The following TBX4 variants were observed in gnomAD, a reference collection of about 807,000 sequenced individuals.
TBX4 encodes the protein T-box transcription factor 4, also known as T-box transcription factor TBX4.
In TBX4, 13 loss-of-function variants were observed where a neutral mutation model predicts 54.6. The observed-to-expected ratio is 0.24, with a 90% confidence interval of 0.15 to 0.38. TBX4 has a LOEUF of 0.38. TBX4 is among the 10% of genes least tolerant of loss of function. TBX4 has a pLI of 1.00. For missense variants in TBX4, 631 were observed against 728.5 expected, an observed-to-expected ratio of 0.87 and a Z score of 1.54; for synonymous variants, 314 against 306.7, an observed-to-expected ratio of 1.02 and a Z score of -0.25.
intron 5 of TBX4, among the ~76,000 whole-genome samples, chr17:61,469,848 C>G (rs1212592443): frequency 6.6e-6 from 1 of 152,186 alleles, no homozygotes; most frequent in Non-Finnish European, 1.5e-5. Flanking sequence ...GAAGGAGTCA[C>G]CCTTCTTGGC....
Position 61,482,937 on chromosome 17 carries a change from C to G in TBX4, c.1062C>G (p.Ser354=). The G allele has an allele frequency of 6.2e-7, 1 of 1,613,912 alleles. No individual in the cohort carries two copies. The change falls in exon 9 of 9, where the codon TCC becomes TCG. Residue 354 remains serine (S), a synonymous_variant. Transcript: ENST00000644296. ...TRHLDLPCKR[S]YLEAPSSVGE... ...ACCTGGACTTACCTTGCAAGCGATCCTATCTGGAAGCCCCCTCTTCGGTGG... is the reference window on the plus strand; with the variant it reads ...ACCTGGACTTACCTTGCAAGCGATCGTATCTGGAAGCCCCCTCTTCGGTGG...
At chr17:61,453,062 TATAA>T in intron 1 of TBX4, 1 of 877,760 alleles carries the variant, frequency 1.1e-6, no homozygotes, top group Non-Finnish European at 1.4e-6. Flanking sequence ...GAACATTATA[TATAA>T]ATAATGATCG....
intron 2 of TBX4, 140 bp downstream of exon 2, chr17:61,456,816 T>C (rs1436357483): frequency 6.6e-6 from 4 of 602,404 alleles, no homozygotes; most frequent in Non-Finnish European, 9.6e-6. Context: ...TGCCCGTTCG[T>C]TCTCCACTGG....
chr17:61,483,845 G>A lies in TBX4; in HGVS notation c.*329G>A. The A allele has an allele frequency of 2.9e-6, 1 of 348,830 alleles. No individual in the cohort carries two copies. Among genetic ancestry groups the A allele is most frequent in the Middle Eastern group, 9.5e-4 (1 of 1,048 alleles). The allele number at this position is 348,830 out of a possible 1,614,324, so 21.6% of individuals were successfully genotyped here. Reference sequence around the variant, plus strand: ...GGAGGGTTCATATGAGTTATTGAGAGGGTTTTATAATGGTTGATTTACTCA... The same window carrying A: ...GGAGGGTTCATATGAGTTATTGAGAAGGTTTTATAATGGTTGATTTACTCA... On this transcript the variant is annotated 3_prime_UTR_variant, in exon 9 of 9. Transcript: ENST00000644296. The surrounding 1 kb of genome is among the most constrained non-coding windows in gnomAD (Gnocchi z 6.6).
intron 5 of TBX4, among the ~76,000 whole-genome samples, chr17:61,470,098 C>T (rs949430719): frequency 6.6e-6 from 1 of 152,120 alleles, no homozygotes; most frequent in Non-Finnish European, 1.5e-5. Context: ...GCTCTCTCCT[C>T]GCGAAAGGGC....
intron 3 of TBX4, among the ~76,000 whole-genome samples, chr17:61,463,978 TA>T (rs1386153477): frequency 1.3e-5 from 2 of 152,206 alleles, no homozygotes; most frequent in Admixed American, 6.5e-5. Context: ...CCAGGCCCCA[TA>T]GGGGGGCTGG....
rs534656437 is a variant in TBX4 at position 61,475,563 on chromosome 17, G to T, written c.550-3064G>T. ...AGGGGTGTGCAAAAGGAATGGAGGG[G>T]CTTTTGTTTTATAGATAGAGTCACA... On this transcript the variant is annotated intron_variant, in intron 5 of 8. Coordinates refer to ENST00000644296, the MANE Select transcript of TBX4 (RefSeq NM_001321120.2). The surrounding 1 kb of genome is among the most constrained non-coding windows in gnomAD (Gnocchi z 5.0). Among the ~76,000 whole-genome samples, 1 of 152,280 alleles carries T rather than the reference G, an allele frequency of 6.6e-6. No individual in the cohort carries two copies. Among genetic ancestry groups the T allele is most frequent in the South Asian group, 2.1e-4 (1 of 4,822 alleles).
At position 61,457,217 on chromosome 17, in the gene TBX4, G is replaced by C. The variant is rs1175162983; in HGVS notation, c.187-320G>C. Among the ~76,000 whole-genome samples the C allele has an allele frequency of 6.6e-6, 1 of 152,176 alleles. No homozygotes were observed. Among genetic ancestry groups the C allele is most frequent in the Non-Finnish European group, 1.5e-5 (1 of 68,018 alleles). On this transcript the variant is annotated intron_variant, in intron 2 of 8. Coordinates refer to ENST00000644296, the MANE Select transcript of TBX4 (RefSeq NM_001321120.2). The surrounding 1 kb of genome is among the most constrained non-coding windows in gnomAD (Gnocchi z 8.2). ...CGTGCGCCTCTCCCTGTCTGTGTCT[G>C]CCCCGGGAGCCTGTGGCGATGGCCC...
intron 5 of TBX4, among the ~76,000 whole-genome samples, chr17:61,471,275 T>C (rs1479192523): frequency 6.6e-6 from 1 of 152,246 alleles, no homozygotes; most frequent in African/African-American, 2.4e-5. Flanking sequence ...AAATGCACCT[T>C]CTTCAGAGAG....
At position 61,472,679 on chromosome 17, in the gene TBX4, C is replaced by G. The variant is rs1053986918; in HGVS notation, c.549+5022C>G. Reference sequence around the variant, plus strand: ...TGAGTTATTGAAAGCCCTAACCCCCCTCCTTACTTATAAGGGACTTTTCTT... The same window carrying G: ...TGAGTTATTGAAAGCCCTAACCCCCGTCCTTACTTATAAGGGACTTTTCTT... On this transcript the variant is annotated intron_variant, in intron 5 of 8. Coordinates refer to ENST00000644296, the MANE Select transcript of TBX4 (RefSeq NM_001321120.2). The surrounding 1 kb of genome is among the most constrained non-coding windows in gnomAD (Gnocchi z 4.5). Among the ~76,000 whole-genome samples the G allele has an allele frequency of 1.2e-4, 18 of 152,316 alleles. No individual in the cohort carries two copies. The highest frequency in any genetic ancestry group is 4.1e-4 in the African/African-American group (17 of 41,564).
rs548614308 is a variant in TBX4, at chr17:61,480,402, C to A, written c.1021+83C>A. 1.3e-4 allele frequency: 144 copies of A among 1,118,288 alleles called. No homozygotes were observed. In the South Asian group the frequency reaches 1.5e-3, roughly 12 times the overall value. 69.3% of individuals were successfully genotyped at this position (1,118,288 alleles called of 1,614,324 possible). ...CGAAACCACTCTGCAGCGCCCCCCC[C>A]CCCAACACACACACACTCATCTCGT... On this transcript the variant is annotated intron_variant, in intron 8 of 8. Coordinates refer to ENST00000644296, the MANE Select transcript of TBX4 (RefSeq NM_001321120.2). The surrounding 1 kb of genome is among the most constrained non-coding windows in gnomAD (Gnocchi z 6.2).
chr17:61,479,186 G>C lies in TBX4; in HGVS notation c.702+407G>C, dbSNP rs143431192. Among the ~76,000 whole-genome samples, 96 of 152,278 alleles carry C rather than the reference G, an allele frequency of 6.3e-4. No homozygotes were observed. The highest frequency in any genetic ancestry group is 3.4e-3 in the Middle Eastern group (1 of 292). ...GAGCCCTGGGGTGCTGTCAGCTGGG[G>C]TGTGGAAGCAGAGCCTGAGCGGAGG... On this transcript the variant is annotated intron_variant, in intron 6 of 8. Coordinates refer to ENST00000644296, the MANE Select transcript of TBX4 (RefSeq NM_001321120.2). This position sits in a 1 kb window ranked among gnomAD's most constrained non-coding sequence, Gnocchi z 6.1.
At chr17:61,455,306 C>G (rs1028855710) in intron 1 of TBX4, among the ~76,000 whole-genome samples, 4 of 152,098 alleles carry the variant, frequency 2.6e-5, no homozygotes, top group Admixed American at 6.5e-5. Flanking sequence ...CCGGGGAGAG[C>G]GGGAAGAAGG....
In TBX4 at chr17:61,470,436, T is replaced by C. The variant is rs530349216; in HGVS notation, c.549+2779T>C. On this transcript the variant is annotated intron_variant, in intron 5 of 8. Coordinates refer to ENST00000644296, the MANE Select transcript of TBX4 (RefSeq NM_001321120.2). Reference sequence around the variant, plus strand: ...GTCTTGGGCCTGGTAGCCTGTCCTGTATGGCACATGGGGCCCTGGAACAGG... The same window carrying C: ...GTCTTGGGCCTGGTAGCCTGTCCTGCATGGCACATGGGGCCCTGGAACAGG... 4.6e-5 allele frequency among the ~76,000 whole-genome samples: 7 copies of C among 152,342 alleles called. No homozygotes were observed. In the South Asian group the frequency reaches 1.4e-3, roughly 32 times the overall value.
Position 61,482,902 on chromosome 17 carries a change from G to T in TBX4, c.1027G>T (p.Gly343Cys), listed in dbSNP as rs767227688. 6.2e-7 allele frequency: 1 copy of T among 1,613,520 alleles called. No individual in the cohort carries two copies. Among genetic ancestry groups the T allele is most frequent in the East Asian group, 2.2e-5 (1 of 44,840 alleles). ...FYHCLKRRAD[G>C]TRHLDLPCKR... ...AATGTTACTTTGTCTTTCAGCAGAC[G>T]GTACCCGCCACCTGGACTTACCTTG... is the stretch of plus-strand genomic sequence containing the variant. The change falls in exon 9 of 9, where the codon GGT becomes TGT. Residue 343 changes from glycine to cysteine, a missense_variant. Coordinates refer to ENST00000644296, the MANE Select transcript of TBX4 (RefSeq NM_001321120.2).
Position 61,461,209 on chromosome 17 carries a change from AC to A in TBX4, c.281+3582del, listed in dbSNP as rs1205722048. Among the ~76,000 whole-genome samples, 1 of 152,180 alleles carries A rather than the reference AC, an allele frequency of 6.6e-6. No individual in the cohort carries two copies. Among genetic ancestry groups the A allele is most frequent in the Non-Finnish European group, 1.5e-5 (1 of 68,032 alleles). ...AACAACATCCATTCCACACACTCTC[AC>A]CCCTGCCCCTCCCTCAGGGAAAAGA... On this transcript the variant is annotated intron_variant, in intron 3 of 8. Coordinates refer to ENST00000644296, the MANE Select transcript of TBX4 (RefSeq NM_001321120.2). The surrounding 1 kb of genome is among the most constrained non-coding windows in gnomAD (Gnocchi z 5.1).
chr17:61,456,717 T>C (rs2060453442), intron 2 of TBX4, 41 bp downstream of exon 2: 1 of 1,345,200 alleles, frequency 7.4e-7, no homozygotes, highest in South Asian at 1.8e-5. Flanking sequence ...CGGGCGTCGG[T>C]CTGTCTGCGG....
rs2060531712 is a variant in TBX4 at position 61,465,760 on chromosome 17, T to C, written c.282-59T>C. On this transcript the variant is annotated intron_variant, in intron 3 of 8. Coordinates refer to ENST00000644296, the MANE Select transcript of TBX4 (RefSeq NM_001321120.2). This position sits in a 1 kb window ranked among gnomAD's most constrained non-coding sequence, Gnocchi z 4.9. ...CGGCCTTCTGCCCCCTTGCTCACTC[T>C]GTTCCATCTCTCCTGGTGCTCTGTC... The C allele has an allele frequency of 6.2e-7, 1 of 1,610,222 alleles. No homozygotes were observed. Among genetic ancestry groups the C allele is most frequent in the South Asian group, 1.1e-5 (1 of 90,904 alleles).
rs149583856 is a variant in TBX4, at chr17:61,460,965, G to A, written c.281+3334G>A. Reference sequence around the variant, plus strand: ...TTATTCTGAGGCAAGGATTTGGCCCGGCTTAATCCGGGGCTTCAAAGCCAA... The same window carrying A: ...TTATTCTGAGGCAAGGATTTGGCCCAGCTTAATCCGGGGCTTCAAAGCCAA... On this transcript the variant is annotated intron_variant, in intron 3 of 8. Transcript: ENST00000644296. The surrounding 1 kb of genome is among the most constrained non-coding windows in gnomAD (Gnocchi z 4.4). Among the ~76,000 whole-genome samples the A allele has an allele frequency of 1.1e-4, 17 of 152,314 alleles. No individual in the cohort carries two copies. The highest frequency in any genetic ancestry group is 2.2e-4 in the African/African-American group (9 of 41,566).
Sources: gnomAD v4.1 joint callset for allele counts (sites outside exome capture counted in the v4.1 genomes callset) on GRCh38, gnomAD v4.1.1 for gene constraint, Gnocchi (gnomAD v3.1) non-coding constraint, MANE v1.5 for transcripts, NCBI Gene and HGNC (gene_info 2026-07-23, HGNC 2026-07-21) for gene names.